SRGAP3: variants seen among roughly 807,000 people sequenced by gnomAD.
SRGAP3 encodes the protein SLIT-ROBO Rho GTPase-activating protein 3.
Under a neutral mutation model 121.1 loss-of-function variants are expected in SRGAP3, and 39 were observed. The ratio of observed to expected loss-of-function variants is 0.32; its 90% CI spans 0.25 to 0.42. The LOEUF (loss-of-function observed/expected upper bound fraction) is 0.42, where lower values mean the gene tolerates loss of function less well. Ranked by LOEUF, SRGAP3 falls within the 10% of genes least tolerant of loss-of-function variation. The pLI is 1.00. For synonymous variants in SRGAP3, 601 were observed against 570.0 expected (o/e 1.05, Z -0.77); for missense variants, 1,213 against 1,470.6 (o/e 0.82, Z 2.86).
At position 9,058,302 on chromosome 3, in the gene SRGAP3, T is replaced by C. The variant is rs766082321; in HGVS notation, c.972A>G (p.Gln324=). 3.1e-6 allele frequency: 5 copies of C among 1,614,218 alleles called. No homozygotes were observed. The East Asian group carries it at 6.7e-5, about 22-fold the overall frequency. The change falls in exon 7 of 22, where the codon CAA becomes CAG. Residue 324 remains glutamine, a synonymous_variant. Transcript: ENST00000383836. ...CGAACTTGAGTGGAGGGCAGAAGAC[T>C]TGATTGCACATGTCCATGACTGTGT... ...DKHTVMDMCN[Q]VFCPPLKFEF...
At chr3:9,157,506 T>C (rs907305952) in intron 1 of SRGAP3, among the ~76,000 whole-genome samples, 2 of 152,262 alleles carry the variant, frequency 1.3e-5, no homozygotes, top group Non-Finnish European at 2.9e-5. Context: ...GTGTTCACTA[T>C]ACACTAGGTA....
At chr3:9,348,584 G>T (rs1955949307) in intron 1 of SRGAP3, 2 of 870,090 alleles carry the variant, frequency 2.3e-6, no homozygotes, top group Non-Finnish European at 3.9e-6. Flanking sequence ...GCTGTGAGAA[G>T]CCGGCTGAGT....
chr3:9,161,997 G>A (rs1164427900), intron 1 of SRGAP3, among the ~76,000 whole-genome samples: 3 of 152,156 alleles, frequency 2.0e-5, no homozygotes, highest in African/African-American at 7.2e-5. Flanking sequence ...TTCAGAGACA[G>A]GAAATCCTGT....
At chr3:9,006,474 T>C (rs139127988) in intron 18 of SRGAP3, among the ~76,000 whole-genome samples, 49 of 150,326 alleles carry the variant, frequency 3.3e-4, no homozygotes, top group African/African-American at 1.1e-3. Flanking sequence ...AATCAACTAA[T>C]GTCATTTTAA....
chr3:9,012,620 G>A (rs937973787), intron 17 of SRGAP3, among the ~76,000 whole-genome samples: 1 of 152,152 alleles, frequency 6.6e-6, no homozygotes, highest in Non-Finnish European at 1.5e-5. Context: ...ACTTTGTCTG[G>A]AAAAGAGAAC....
intron 1 of SRGAP3, among the ~76,000 whole-genome samples, chr3:9,243,293 C>T (rs1037515457): frequency 1.3e-5 from 2 of 151,748 alleles, no homozygotes; most frequent in African/African-American, 4.8e-5. Flanking sequence ...AGTAAAGGCA[C>T]AAATGGGAAA....
intron 4 of SRGAP3, among the ~76,000 whole-genome samples, chr3:9,074,131 G>C (rs1946848552): frequency 6.6e-6 from 1 of 152,196 alleles, no homozygotes; most frequent in Admixed American, 6.5e-5. Context: ...CGGAGAATGG[G>C]AAACGAAGGA....
At position 9,104,828 on chromosome 3, in the gene SRGAP3, A is replaced by G. The variant is rs1948359793; in HGVS notation, c.275T>C (p.Leu92Pro). 1.9e-6 allele frequency: 3 copies of G among 1,614,230 alleles called. No homozygotes were observed. The highest frequency in any genetic ancestry group is 2.5e-6 in the Non-Finnish European group (3 of 1,180,034). Residue 92 changes from leucine to proline, a missense_variant, in exon 3 of 22, where the codon CTC (leucine) becomes CCC (proline). By Grantham distance (98) the Leu-to-Pro change is moderately conservative (BLOSUM62 -3). This residue lies in a region of SRGAP3 where 793 missense variants were observed against 1,032.9 expected (regional missense o/e 0.77). Transcript: ENST00000383836. ...REHQFKKDQYLLSPVNCWYLV... is the reference protein window; with the variant it reads ...REHQFKKDQYPLSPVNCWYLV... ...ATACCAACAGTTCACAGGCGAGAGG[A>G]GGTACTGGTCCTTCCTGTGGAAACC...
At chr3:9,132,485 A>G (rs1028606756) in intron 1 of SRGAP3, among the ~76,000 whole-genome samples, 2 of 152,142 alleles carry the variant, frequency 1.3e-5, no homozygotes, top group Non-Finnish European at 2.9e-5. Flanking sequence ...TGCCTTTCCC[A>G]GCATGTTATA....
chr3:9,020,135 A>T (rs978132843), intron 14 of SRGAP3, among the ~76,000 whole-genome samples: 2 of 152,296 alleles, frequency 1.3e-5, no homozygotes, highest in East Asian at 3.9e-4. Flanking sequence ...GCCCATAATC[A>T]CAAAGTCAAC....
At chr3:9,188,645 T>C (rs909582399) in intron 1 of SRGAP3, among the ~76,000 whole-genome samples, 1 of 152,256 alleles carries the variant, frequency 6.6e-6, no homozygotes, top group African/African-American at 2.4e-5. Flanking sequence ...CAACCTGACA[T>C]GGCCAGTTGT....
chr3:9,056,950 C>T (rs767690680), intron 7 of SRGAP3, among the ~76,000 whole-genome samples: 23 of 152,172 alleles, frequency 1.5e-4, no homozygotes, highest in Non-Finnish European at 2.9e-4. Context: ...GGTGCCATCA[C>T]GGCTCACTGC....
At chr3:9,345,276 A>C (rs761220497) in intron 1 of SRGAP3, among the ~76,000 whole-genome samples, 2 of 152,162 alleles carry the variant, frequency 1.3e-5, no homozygotes, top group Non-Finnish European at 2.9e-5. Context: ...AAATTGCCTG[A>C]GGCCAGGAGT....
intron 1 of SRGAP3, among the ~76,000 whole-genome samples, chr3:9,220,033 G>A (rs1287132376): frequency 6.6e-6 from 1 of 152,152 alleles, no homozygotes; most frequent in East Asian, 1.9e-4. Flanking sequence ...GGCTGGGAAG[G>A]TAGGGTGGGG....
chr3:9,028,254 C>T (rs1208000289), intron 12 of SRGAP3: 1 of 1,348,824 alleles, frequency 7.4e-7, no homozygotes, highest in African/African-American at 1.4e-5. Context: ...TGGCAGCCAG[C>T]CAAGGTCCTG....
At chr3:9,094,573 C>T (rs1225845907) in intron 3 of SRGAP3, among the ~76,000 whole-genome samples, 1 of 152,112 alleles carries the variant, frequency 6.6e-6, no homozygotes, top group African/African-American at 2.4e-5. Flanking sequence ...AGGAGCTGGA[C>T]TTATTTACAT....
At chr3:9,323,397 T>C (rs1290097571) in intron 3 of SRGAP3, among the ~76,000 whole-genome samples, 2 of 152,092 alleles carry the variant, frequency 1.3e-5, no homozygotes, top group East Asian at 3.9e-4. Context: ...ATAAGAATCT[T>C]TATCACAGGA....
At chr3:8,991,103 G>C (rs1242697680) in intron 20 of SRGAP3, among the ~76,000 whole-genome samples, 2 of 152,184 alleles carry the variant, frequency 1.3e-5, no homozygotes, top group African/African-American at 4.8e-5. Context: ...GCCGCCAACC[G>C]CAAAATGCAT....
chr3:9,360,643 T>G (rs896921907), intron 1 of SRGAP3, among the ~76,000 whole-genome samples: 1 of 152,188 alleles, frequency 6.6e-6, no homozygotes, highest in Admixed American at 6.5e-5. Flanking sequence ...TGAAAGGCAC[T>G]TCTTACATGG....
Sources: gnomAD v4.1 joint callset for allele counts (sites outside exome capture counted in the v4.1 genomes callset) on GRCh38, gnomAD v4.1.1 for gene constraint, gnomAD v4.1.1 regional missense constraint, MANE v1.5 for transcripts, NCBI Gene and HGNC (gene_info 2026-07-23, HGNC 2026-07-21) for gene names.